Variants in NRXN1 observed in about 807,000 individuals in gnomAD.
NRXN1 encodes neurexin-1.
A neutral mutation model predicts 150.9 loss-of-function variants in NRXN1; 39 were observed. The observed-to-expected ratio is 0.26, with a 90% CI of 0.20 to 0.34. NRXN1 has a LOEUF of 0.34. Ranked by LOEUF, NRXN1 falls within the 10% of genes least tolerant of loss-of-function variation. The pLI, the probability that NRXN1 is intolerant of heterozygous loss-of-function variation, is 1.00. For missense variants in NRXN1, 1,815 were observed against 1,949.9 expected, an observed-to-expected ratio of 0.93 and a Z score of 1.30; for synonymous variants, 924 against 757.0, an observed-to-expected ratio of 1.22 and a Z score of -3.62.
chr2:50,882,037 AC>A (rs1382333873), intron 5 of NRXN1, among the ~76,000 whole-genome samples: 14 of 152,032 alleles, frequency 9.2e-5, no homozygotes, highest in African/African-American at 3.1e-4. Context: ...TTTGCAAATA[AC>A]TACTTTTCAA....
In NRXN1 at chr2:50,645,674, G is replaced by A. The variant is rs114364592; in HGVS notation, c.833-22059C>T. ...ATTACTTAATTCACAATTTTAACAT[G>A]AGCATAAGAACTAAGATCAGACCAA... On this transcript the variant is annotated intron_variant, in intron 5 of 22. Transcript: ENST00000401669. Among the ~76,000 whole-genome samples, 1,228 of 151,972 alleles carry A rather than the reference G, an allele frequency of 8.1e-3. 15 individuals carry two copies. The highest frequency in any genetic ancestry group is 0.028 in the African/African-American group (1,154 of 41,484).
chr2:50,200,940 G>A (rs1208422847), intron 18 of NRXN1, among the ~76,000 whole-genome samples: 1 of 152,020 alleles, frequency 6.6e-6, no homozygotes, highest in Non-Finnish European at 1.5e-5. Flanking sequence ...CCCAAAAAGT[G>A]AAGCTATAAA....
intron 2 of NRXN1, among the ~76,000 whole-genome samples, chr2:50,986,389 C>T (rs975918967): frequency 6.6e-6 from 1 of 151,606 alleles, no homozygotes; most frequent in South Asian, 2.1e-4. Flanking sequence ...TACAGAATAT[C>T]CACTGCAACA....
intron 10 of NRXN1, among the ~76,000 whole-genome samples, chr2:50,533,560 C>T (rs1380712103): frequency 2.0e-5 from 3 of 152,240 alleles, no homozygotes; most frequent in East Asian, 3.9e-4. Flanking sequence ...GAATTGATTG[C>T]TGTTCACCTC....
chr2:50,214,389 T>C (rs17040235), intron 18 of NRXN1, among the ~76,000 whole-genome samples: 20,987 of 151,920 alleles, frequency 0.14, 2,001 homozygotes, highest in East Asian at 0.39. Flanking sequence ...TGCTAAATAT[T>C]TTCGGTTCCT....
intron 12 of NRXN1, among the ~76,000 whole-genome samples, chr2:50,521,869 C>T (rs1160551637): frequency 6.6e-6 from 1 of 152,086 alleles, no homozygotes; most frequent in Non-Finnish European, 1.5e-5. Context: ...GATCATCTGC[C>T]ACCAAAACTA....
intron 18 of NRXN1, among the ~76,000 whole-genome samples, chr2:50,141,990 C>T (rs1707339023): frequency 6.6e-6 from 1 of 151,968 alleles, no homozygotes; most frequent in South Asian, 2.1e-4. Context: ...AAAGGAATAC[C>T]TGTCCCCCTA....
chr2:50,888,216 A>G (rs984363758), intron 5 of NRXN1, among the ~76,000 whole-genome samples: 1 of 151,642 alleles, frequency 6.6e-6, no homozygotes, highest in Non-Finnish European at 1.5e-5. Flanking sequence ...CAACAAACCA[A>G]CCAAAAACAC....
intron 5 of NRXN1, among the ~76,000 whole-genome samples, chr2:50,831,691 G>A (rs921903379): frequency 2.0e-5 from 3 of 152,132 alleles, no homozygotes; most frequent in East Asian, 1.9e-4. Flanking sequence ...AAACATGGAC[G>A]TTACACCTAC....
chr2:50,791,219 G>A (rs1343458314), intron 5 of NRXN1, among the ~76,000 whole-genome samples: 1 of 141,532 alleles, frequency 7.1e-6, no homozygotes, highest in Non-Finnish European at 1.5e-5. Context: ...CCAAGTGAAT[G>A]TAAATGCTTT....
chr2:50,189,910 G>C (rs895052634), intron 18 of NRXN1, among the ~76,000 whole-genome samples: 1 of 152,144 alleles, frequency 6.6e-6, no homozygotes, highest in African/African-American at 2.4e-5. Flanking sequence ...ATGATACTCA[G>C]ATGAAGTATT....
At chr2:50,289,243 CA>C (rs1475557398) in intron 17 of NRXN1, among the ~76,000 whole-genome samples, 1 of 152,078 alleles carries the variant, frequency 6.6e-6, no homozygotes, top group Non-Finnish European at 1.5e-5. Flanking sequence ...AAGAACTAGC[CA>C]TCAAATAAGT....
chr2:50,145,598 G>A (rs12994409), intron 18 of NRXN1, among the ~76,000 whole-genome samples: 24 of 151,654 alleles, frequency 1.6e-4, no homozygotes, highest in Non-Finnish European at 3.0e-4. Context: ...TAGGGGAGAA[G>A]AAGGAAGAGA....
intron 18 of NRXN1, among the ~76,000 whole-genome samples, chr2:50,160,297 T>C (rs1308601152): frequency 6.6e-6 from 1 of 152,000 alleles, no homozygotes; most frequent in Non-Finnish European, 1.5e-5. Context: ...TCCCAGCACT[T>C]TGGGAGGTCG....
chr2:50,044,218 A>G (rs575418314), intron 21 of NRXN1, among the ~76,000 whole-genome samples: 4 of 152,274 alleles, frequency 2.6e-5, no homozygotes, highest in African/African-American at 9.6e-5. Flanking sequence ...ACAGTCTTGG[A>G]GTTTTCTCAA....
At chr2:50,801,409 G>A (rs1707573513) in intron 5 of NRXN1, among the ~76,000 whole-genome samples, 1 of 151,932 alleles carries the variant, frequency 6.6e-6, no homozygotes, top group Non-Finnish European at 1.5e-5. Context: ...AAAGGAACAG[G>A]GTAAAAGTTT....
Position 50,374,360 on chromosome 2 carries a change from T to C in NRXN1, c.3364+91082A>G, listed in dbSNP as rs547845759. ...AAATAAAATTGGGTGATGATTTCAT[T>C]TGGCTTCCTTTTACTTGCCTGTTCT... On this transcript the variant is annotated intron_variant, in intron 17 of 22. Coordinates refer to ENST00000401669, the MANE Select transcript of NRXN1 (RefSeq NM_001330078.2). Among the ~76,000 whole-genome samples the C allele has an allele frequency of 2.0e-5, 3 of 151,904 alleles. No individual in the cohort carries two copies. In the East Asian group the frequency reaches 5.8e-4, roughly 29 times the overall value.
intron 12 of NRXN1, among the ~76,000 whole-genome samples, chr2:50,523,071 T>C (rs1032736396): frequency 1.7e-4 from 26 of 152,108 alleles, no homozygotes; most frequent in Admixed American, 8.5e-4. Flanking sequence ...CATTGCCATG[T>C]GCCAATACAC....
At chr2:50,829,297 A>G in intron 5 of NRXN1, 2 of 612,552 alleles carry the variant, frequency 3.3e-6, no homozygotes, top group Non-Finnish European at 2.9e-6. Context: ...GAGAGGGGTA[A>G]TTTTGTATTT....
Sources: allele counts gnomAD v4.1 joint callset (sites outside exome capture counted in the v4.1 genomes callset), GRCh38; gene constraint gnomAD v4.1.1; transcripts MANE v1.5; gene names NCBI Gene and HGNC (gene_info 2026-07-23, HGNC 2026-07-21).